C10orf67: variants seen among roughly 807,000 people sequenced by gnomAD.
C10orf67 encodes uncharacterized protein C10orf67, mitochondrial.
C10orf67 carries 60 observed loss-of-function variants against 35.6 expected under a neutral mutation model. That is an observed-to-expected ratio of 1.68 (90% CI 1.37 to 2.09). The LOEUF (loss-of-function observed/expected upper bound fraction) is 2.09. Ranked by LOEUF, C10orf67 falls within the 30% of genes most tolerant of loss-of-function variation. The pLI is 0.00. For synonymous variants in C10orf67, 167 were observed against 115.8 expected (o/e 1.44, Z -2.84); for missense variants, 474 against 330.2 (o/e 1.44, Z -3.38).
intron 1 of C10orf67, chr10:23,343,936 G>C: frequency 4.3e-6 from 2 of 466,708 alleles, no homozygotes; most frequent in South Asian, 3.1e-5. Context: ...TTCAATAGAG[G>C]CCTCGAGGCC....
intron 4 of C10orf67, among the ~76,000 whole-genome samples, chr10:23,313,396 C>G (rs1310552407): frequency 1.3e-5 from 2 of 152,214 alleles, no homozygotes; most frequent in African/African-American, 2.4e-5. Flanking sequence ...ACTAGGAATT[C>G]ATGATCTATT....
At chr10:23,330,504 G>C (rs1253445407) in intron 2 of C10orf67, among the ~76,000 whole-genome samples, 1 of 152,114 alleles carries the variant, frequency 6.6e-6, no homozygotes, top group African/African-American at 2.4e-5. Context: ...ACTTTGGGAG[G>C]CCGAGGCAGA....
intron 13 of C10orf67, among the ~76,000 whole-genome samples, chr10:23,229,463 T>G: frequency 6.9e-6 from 1 of 145,902 alleles, no homozygotes; most frequent in African/African-American, 2.5e-5. Context: ...GGGATAGCAT[T>G]AGGAGATATA....
chr10:23,301,371 C>T (rs1413364139), intron 5 of C10orf67, among the ~76,000 whole-genome samples: 1 of 152,230 alleles, frequency 6.6e-6, no homozygotes, highest in African/African-American at 2.4e-5. Flanking sequence ...GACAGCCTCA[C>T]ACCTGAGTCT....
chr10:23,236,253 GAAAAAAAAAAAAAAAA>G (rs368833212), intron 13 of C10orf67, among the ~76,000 whole-genome samples: 3 of 75,802 alleles, frequency 4.0e-5, no homozygotes, highest in Non-Finnish European at 7.3e-5. Flanking sequence ...CCTCTCGGGG[GAAAAAAAAAAAAAAAA>G]AAAAAAAAAA....
chr10:23,321,602 T>G (rs945398539), intron 3 of C10orf67, among the ~76,000 whole-genome samples: 1 of 152,212 alleles, frequency 6.6e-6, no homozygotes, highest in Non-Finnish European at 1.5e-5. Context: ...TTACTTAACC[T>G]TGGCAAGCTG....
chr10:23,212,689 C>T (rs140378966), intron 15 of C10orf67, among the ~76,000 whole-genome samples: 31 of 151,476 alleles, frequency 2.0e-4, no homozygotes, highest in African/African-American at 7.0e-4. Context: ...GCAAAGTAGG[C>T]AGCCCCAAAC....
chr10:23,334,100 C>T (rs746673192), intron 1 of C10orf67, among the ~76,000 whole-genome samples: 3 of 152,094 alleles, frequency 2.0e-5, no homozygotes, highest in Non-Finnish European at 4.4e-5. Context: ...ATAGATAGGA[C>T]CAACATAAAC....
At chr10:23,310,279 G>T (rs1003971633) in intron 4 of C10orf67, among the ~76,000 whole-genome samples, 1 of 152,126 alleles carries the variant, frequency 6.6e-6, no homozygotes, top group East Asian at 1.9e-4. Context: ...AAAAATTCTA[G>T]TCTAGCCAAC....
At chr10:23,328,912 G>C (rs1278857372) in intron 2 of C10orf67, among the ~76,000 whole-genome samples, 1 of 146,938 alleles carries the variant, frequency 6.8e-6, no homozygotes, top group Non-Finnish European at 1.5e-5. Context: ...TTGAGCCCAG[G>C]AGGTCAAGGC....
intron 15 of C10orf67, among the ~76,000 whole-genome samples, chr10:23,217,223 C>T (rs1456222292): frequency 2.0e-5 from 3 of 152,052 alleles, no homozygotes; most frequent in Non-Finnish European, 4.4e-5. Context: ...AGATTGAAAC[C>T]CAGTGACATT....
At position 23,333,393 on chromosome 10, in the gene C10orf67, T is replaced by C. The variant is rs113364984; in HGVS notation, c.207-211A>G. ...CCCTGGACTGAGGCATATTGCTCTA[T>C]GGTTAGTCATCTGATTTCCACTTTT... On this transcript the variant is annotated intron_variant, in intron 1 of 15. Transcript: ENST00000636213. Among the ~76,000 whole-genome samples, 315 of 152,318 alleles carry C rather than the reference T, an allele frequency of 2.1e-3. 1 individual carries two copies. The highest frequency in any genetic ancestry group is 7.0e-3 in the African/African-American group (293 of 41,562).
intron 10 of C10orf67, chr10:23,258,461 G>T: frequency 6.0e-6 from 1 of 166,242 alleles, no homozygotes; most frequent in South Asian, 1.8e-4. Context: ...TTCCAGTTCT[G>T]ATCACTGGCA....
chr10:23,305,967 GCACACA>G (rs149195889), intron 4 of C10orf67, among the ~76,000 whole-genome samples: 1 of 149,390 alleles, frequency 6.7e-6, no homozygotes, highest in Non-Finnish European at 1.5e-5. Flanking sequence ...TTACATACGC[GCACACA>G]CACACACACA....
rs543000271 is a variant in C10orf67 at position 23,284,780 on chromosome 10, G to A, written c.910-2702C>T. Among the ~76,000 whole-genome samples the A allele has an allele frequency of 2.0e-5, 3 of 152,232 alleles. No homozygotes were observed. The South Asian group carries it at 6.2e-4, about 32-fold the overall frequency. ...AACAGGAGAACGTGAGAAAGGTTGT[G>A]GAACTGTTTATGAAGGTTTTCTAGA... On this transcript the variant is annotated intron_variant, in intron 7 of 15. Transcript: ENST00000636213.
At chr10:23,305,966 C>T (rs759241408) in intron 4 of C10orf67, among the ~76,000 whole-genome samples, 5 of 140,874 alleles carry the variant, frequency 3.5e-5, no homozygotes, top group Non-Finnish European at 6.1e-5. Context: ...GTTACATACG[C>T]GCACACACAC....
At chr10:23,224,578 C>T (rs1218420164) in intron 13 of C10orf67, among the ~76,000 whole-genome samples, 2 of 152,136 alleles carry the variant, frequency 1.3e-5, no homozygotes, top group South Asian at 2.1e-4. Flanking sequence ...TCAAACTTCT[C>T]CGAGCTAAAG....
intron 9 of C10orf67, among the ~76,000 whole-genome samples, chr10:23,266,987 C>T (rs564388527): frequency 3.9e-5 from 6 of 152,246 alleles, no homozygotes; most frequent in Non-Finnish European, 7.3e-5. Context: ...TCAAGCAATC[C>T]TCCTGCCTCG....
chr10:23,298,972 A>G (rs1354135629), intron 5 of C10orf67, among the ~76,000 whole-genome samples: 2 of 152,208 alleles, frequency 1.3e-5, no homozygotes, highest in Non-Finnish European at 2.9e-5. Flanking sequence ...AAAACAGTCC[A>G]GGTGAGTTGA....
Sources: gnomAD v4.1 joint callset for allele counts (sites outside exome capture counted in the v4.1 genomes callset) on GRCh38, gnomAD v4.1.1 for gene constraint, MANE v1.5 for transcripts, NCBI Gene and HGNC (gene_info 2026-07-23, HGNC 2026-07-21) for gene names.